The following KRT85 variants were observed in gnomAD, a reference collection of about 807,000 sequenced individuals.
The protein encoded by KRT85 is keratin 85.
A neutral mutation model predicts 53.7 loss-of-function variants in KRT85; 39 were observed. The observed-to-expected ratio is 0.73, with a 90% confidence interval of 0.56 to 0.95. KRT85 has a LOEUF of 0.95. Among genes scored for constraint, KRT85 ranks in the 40% least tolerant of loss-of-function variants. The pLI is 0.00. For missense variants in KRT85, 668 were observed against 686.0 expected (o/e 0.97, Z 0.29); for synonymous variants, 291 against 277.5 (o/e 1.05, Z -0.48).
rs1939289138 is a variant in KRT85, at chr12:52,367,296, G to T, written c.110C>A (p.Ala37Asp). The change falls in exon 1 of 9, where the codon GCC becomes GAC. Residue 37 changes from alanine to aspartate, a missense_variant. Transcript: ENST00000257901. ...GTAGCAGGACACCCCTCGGTAGGGG[G>T]CGGCGCTGATGCAGCAGCGGTTGCC... ...KTGNRCCISA[A>D]PYRGVSCYRG... 1.9e-6 allele frequency: 3 copies of T among 1,613,634 alleles called. No individual in the cohort carries two copies. Among genetic ancestry groups the T allele is most frequent in the Non-Finnish European group, 2.5e-6 (3 of 1,179,696 alleles).
chr12:52,362,493 G>T, intron 6 of KRT85, 22 bp from the exon 7 acceptor site: 1 of 1,612,924 alleles, frequency 6.2e-7, no homozygotes, highest in East Asian at 2.2e-5. Flanking sequence ...AGATACAAGG[G>T]CCAGGATGAG....
At chr12:52,364,537 G>T in intron 2 of KRT85, 171 bp from the exon 3 acceptor site, 1 of 1,480,200 alleles carries the variant, frequency 6.8e-7, no homozygotes, top group East Asian at 2.5e-5. Flanking sequence ...CCTTGTCCTA[G>T]CCTGGCTTCA....
intron 2 of KRT85, chr12:52,364,607 G>C: frequency 2.1e-6 from 3 of 1,441,058 alleles, no homozygotes; most frequent in East Asian, 2.5e-5. Flanking sequence ...CTTCCCCCAA[G>C]TCTAAAATCA....
intron 1 of KRT85, among the ~76,000 whole-genome samples, chr12:52,365,553 TTAAC>T (rs2121407851): frequency 6.6e-6 from 1 of 152,358 alleles, no homozygotes; most frequent in African/African-American, 2.4e-5. Context: ...CTCAGTCTAT[TTAAC>T]TATTATTATA....
Position 52,360,393 on chromosome 12 carries a change from TG to T in KRT85, c.*459del, listed in dbSNP as rs1939171914. On this transcript the variant is annotated 3_prime_UTR_variant, in exon 9 of 9. Coordinates refer to ENST00000257901, the MANE Select transcript of KRT85 (RefSeq NM_002283.4). ...CAGGAATGAACAGGCAAGTGCTTGC[TG>T]GGGGACCATTCTTCCCAGCCAGGAG... 8.5e-6 allele frequency: 2 copies of T among 235,096 alleles called. No homozygotes were observed. Among genetic ancestry groups the T allele is most frequent in the Non-Finnish European group, 1.7e-5 (2 of 118,158 alleles). 14.6% of individuals were successfully genotyped at this position (235,096 alleles called of 1,614,324 possible).
intron 1 of KRT85, 32 bp downstream of exon 1, chr12:52,366,954 G>A (rs1382444376): frequency 6.2e-7 from 1 of 1,613,846 alleles, no homozygotes; most frequent in Non-Finnish European, 8.5e-7. Flanking sequence ...CAGGGCTGGA[G>A]GCTTCTCTGG....
chr12:52,366,870 C>G, intron 1 of KRT85, 116 bp downstream of exon 1: 1 of 1,554,876 alleles, frequency 6.4e-7, no homozygotes, highest in Admixed American at 1.7e-5. Flanking sequence ...TGGGTCTGCA[C>G]GTCATTCCCT....
chr12:52,364,844 G>A (rs574622253), intron 2 of KRT85, 118 bp downstream of exon 2: 1 of 1,571,932 alleles, frequency 6.4e-7, no homozygotes, highest in South Asian at 1.1e-5. Context: ...TATCTGCTCT[G>A]GGTTCCAGGC....
At chr12:52,364,271 G>GCC in intron 3 of KRT85, 35 bp downstream of exon 3, 1 of 1,613,878 alleles carries the variant, frequency 6.2e-7, no homozygotes, top group Non-Finnish European at 8.5e-7. Context: ...GCACTGATGG[G>GCC]CCCCCTCCTC....
At chr12:52,363,438 C>T in intron 4 of KRT85, 28 bp from the exon 5 acceptor site, 9 of 1,613,918 alleles carry the variant, frequency 5.6e-6, no homozygotes, top group Admixed American at 3.3e-5. Flanking sequence ...AGTGCATTTG[C>T]TTCTAGTGCC....
chr12:52,363,404 G>A lies in KRT85; in HGVS notation c.793C>T (p.Arg265Cys), dbSNP rs376347432. 1.1e-5 allele frequency: 17 copies of A among 1,614,012 alleles called. No individual in the cohort carries two copies. The East Asian group carries it at 1.8e-4, about 17-fold the overall frequency. The change falls in exon 5 of 9, where the codon CGC becomes TGC. Residue 265 changes from arginine (R) to cysteine (C), a missense_variant. Physicochemically the swap from Arg to Cys is radical, Grantham distance 180. Transcript: ENST00000257901. Reference protein sequence around the residue: ...FLRRLYEEEIRVLQAHISDTS... With the variant: ...FLRRLYEEEICVLQAHISDTS... The stretch of plus-strand genomic sequence containing the variant: ...TCTGAGATGTGGGCTTGGAGAACGC[G>A]GATCTCCTGTGGGGCCAACAGCCAG...
In KRT85 at chr12:52,367,419, G is replaced by A. The variant is rs1257512121; in HGVS notation, c.-14C>T. The A allele has an allele frequency of 5.0e-6, 8 of 1,613,816 alleles. No homozygotes were observed. The highest frequency in any genetic ancestry group is 6.8e-6 in the Non-Finnish European group (8 of 1,179,976). On this transcript the variant is annotated 5_prime_UTR_variant, in exon 1 of 9. Coordinates refer to ENST00000257901, the MANE Select transcript of KRT85 (RefSeq NM_002283.4). Reference sequence around the variant, plus strand: ...GCGGCACGACATCGTGTGAGGCTGAGCAGAGTCTGAGAGGCAGCGGAAGGT... The same window carrying A: ...GCGGCACGACATCGTGTGAGGCTGAACAGAGTCTGAGAGGCAGCGGAAGGT...
In KRT85 at chr12:52,365,081, T is replaced by G. The variant is rs757350899; in HGVS notation, c.510A>C (p.Pro170=). The part of the protein sequence containing the change: ...NQRCCESNLE[P]LFSGYIETLR... Reference sequence around the variant, plus strand: ...GAGTCTCGATGTAGCCACTGAACAGTGGCTCCAGGTTGCTCTCGCAGCAGC... The same window carrying G: ...GAGTCTCGATGTAGCCACTGAACAGGGGCTCCAGGTTGCTCTCGCAGCAGC... The change falls in exon 2 of 9, where the codon CCA becomes CCC. Residue 170 remains proline, a synonymous_variant. Coordinates refer to ENST00000257901, the MANE Select transcript of KRT85 (RefSeq NM_002283.4). 1 of 1,614,050 alleles carries G rather than the reference T, an allele frequency of 6.2e-7. No individual in the cohort carries two copies. Among genetic ancestry groups the G allele is most frequent in the East Asian group, 2.2e-5 (1 of 44,882 alleles).
intron 7 of KRT85, among the ~76,000 whole-genome samples, chr12:52,361,718 C>G (rs942002541): frequency 1.3e-5 from 2 of 152,190 alleles, no homozygotes; most frequent in Non-Finnish European, 2.9e-5. Flanking sequence ...AGATTATGAA[C>G]AGTGCCCCTA....
chr12:52,366,001 C>G (rs1012073960), intron 1 of KRT85, among the ~76,000 whole-genome samples: 1 of 152,212 alleles, frequency 6.6e-6, no homozygotes, highest in Non-Finnish European at 1.5e-5. Flanking sequence ...CCTCTGCCCC[C>G]AAACCCTGAT....
In KRT85 at chr12:52,367,328, G is replaced by A. The variant is rs1175448372; in HGVS notation, c.78C>T (p.Pro26=). ...TGATGCAGCAGCGGTTGCCAGTTTT[G>A]GGGGCCACAGCTGAGCAGGAGCTGA... The part of the protein sequence containing the change: ...RNFSSCSAVA[P]KTGNRCCISA... The change falls in exon 1 of 9, where the codon CCC becomes CCT. Residue 26 remains proline, a synonymous_variant. Transcript: ENST00000257901. 5 of 1,614,048 alleles carry A rather than the reference G, an allele frequency of 3.1e-6. No homozygotes were observed. Among genetic ancestry groups the A allele is most frequent in the Non-Finnish European group, 4.2e-6 (5 of 1,179,990 alleles).
chr12:52,366,860 T>TG (rs1349176647), intron 1 of KRT85, 126 bp downstream of exon 1: 3 of 1,471,956 alleles, frequency 2.0e-6, no homozygotes, highest in Non-Finnish European at 2.8e-6. Context: ...TCCACCTGTA[T>TG]GGGTCTGCAC....
At position 52,367,370 on chromosome 12, in the gene KRT85, G is replaced by A. The variant is rs1211331569; in HGVS notation, c.36C>T (p.Cys12=). 2 of 1,614,088 alleles carry A rather than the reference G, an allele frequency of 1.2e-6. No homozygotes were observed. Among genetic ancestry groups the A allele is most frequent in the Admixed American group, 1.7e-5 (1 of 60,028 alleles). The change falls in exon 1 of 9, where the codon TGC becomes TGT. Residue 12 remains cysteine, a synonymous_variant. Transcript: ENST00000257901. Reference sequence around the variant, plus strand: ...AGGAGCTGAAGTTCCTGGTGACCCCGCATCCTGAGCTGATCCTGTAGGAGC... The same window carrying A: ...AGGAGCTGAAGTTCCTGGTGACCCCACATCCTGAGCTGATCCTGTAGGAGC... The part of the protein sequence containing the change: ...SCRSYRISSG[C]GVTRNFSSCS...
intron 7 of KRT85, 89 bp from the exon 8 acceptor site, chr12:52,361,587 G>A: frequency 8.3e-7 from 1 of 1,209,658 alleles, no homozygotes; most frequent in Non-Finnish European, 1.2e-6. Context: ...GGGTCATCCT[G>A]TGTACAGAGT....
Sources: gnomAD v4.1 joint callset for allele counts (sites outside exome capture counted in the v4.1 genomes callset) on GRCh38, gnomAD v4.1.1 for gene constraint, MANE v1.5 for transcripts, NCBI Gene and HGNC (gene_info 2026-07-23, HGNC 2026-07-21) for gene names.